The following TMEM163 variants were observed in gnomAD, a reference collection of about 807,000 sequenced individuals.
The protein encoded by TMEM163 is transmembrane protein 163.
Under a neutral mutation model 29.3 loss-of-function variants are expected in TMEM163, and 17 were observed. The ratio of observed to expected loss-of-function variants is 0.58; its 90% confidence interval spans 0.40 to 0.87. TMEM163 has a LOEUF of 0.87. TMEM163 is among the 40% of genes least tolerant of loss of function. TMEM163 has a pLI of 0.00. For missense variants in TMEM163, 303 were observed against 381.5 expected (o/e 0.79, Z 1.71); for synonymous variants, 157 against 160.6 (o/e 0.98, Z 0.17).
chr2:134,602,823 G>A (rs562237750), intron 2 of TMEM163, among the ~76,000 whole-genome samples: 8 of 151,920 alleles, frequency 5.3e-5, no homozygotes, highest in Admixed American at 2.0e-4. Flanking sequence ...GTGTCCCACC[G>A]CCGAGGACTC....
At chr2:134,563,983 G>C (rs995059122) in intron 2 of TMEM163, among the ~76,000 whole-genome samples, 3 of 152,070 alleles carry the variant, frequency 2.0e-5, no homozygotes, top group Non-Finnish European at 4.4e-5. Context: ...ACCCGGAGGC[G>C]GAGGTTGCAG....
At chr2:134,654,095 G>A (rs1417917985) in intron 2 of TMEM163, among the ~76,000 whole-genome samples, 2 of 83,196 alleles carry the variant, frequency 2.4e-5, no homozygotes, top group East Asian at 2.2e-4. Flanking sequence ...CAATTCCTGG[G>A]TATCCTTGTT....
intron 5 of TMEM163, among the ~76,000 whole-genome samples, chr2:134,489,026 G>A (rs527915443): frequency 6.6e-5 from 10 of 152,196 alleles, no homozygotes; most frequent in South Asian, 4.2e-4. Flanking sequence ...AGGGCACTTG[G>A]GAAGATCTAT....
At chr2:134,636,283 G>C (rs1415044635) in intron 2 of TMEM163, among the ~76,000 whole-genome samples, 1 of 152,224 alleles carries the variant, frequency 6.6e-6, no homozygotes, top group East Asian at 1.9e-4. Context: ...TTAATGGAAG[G>C]CTGCTTCAGA....
intron 5 of TMEM163, among the ~76,000 whole-genome samples, chr2:134,492,079 A>G (rs935294949): frequency 4.6e-5 from 7 of 152,218 alleles, no homozygotes; most frequent in African/African-American, 1.7e-4. Flanking sequence ...TCCTCTTGCT[A>G]TCTGCCTCTG....
intron 2 of TMEM163, among the ~76,000 whole-genome samples, chr2:134,571,584 T>G (rs1466909634): frequency 1.3e-5 from 2 of 152,198 alleles, no homozygotes; most frequent in East Asian, 3.8e-4. Context: ...CAAGAGGGAC[T>G]CACAGGACTC....
At chr2:134,664,148 A>C (rs1277462994) in intron 2 of TMEM163, among the ~76,000 whole-genome samples, 1 of 152,248 alleles carries the variant, frequency 6.6e-6, no homozygotes, top group East Asian at 1.9e-4. Flanking sequence ...CAGGAAAAGC[A>C]AGCTCCCTCA....
chr2:134,549,807 C>T (rs1431527704), intron 4 of TMEM163, among the ~76,000 whole-genome samples: 1 of 152,118 alleles, frequency 6.6e-6, no homozygotes, highest in East Asian at 1.9e-4. Flanking sequence ...CATGCACACA[C>T]ATATACATAC....
In TMEM163 at chr2:134,649,085, A is replaced by G. The variant is rs535410195; in HGVS notation, c.322+64115T>C. Among the ~76,000 whole-genome samples the G allele has an allele frequency of 7.2e-4, 109 of 152,374 alleles. No individual in the cohort carries two copies. The South Asian group carries it at 9.5e-3, about 13-fold the overall frequency. ...CATATCAAAAAGTTTAACACATTTG[A>G]GTCCATCAAAGTAAATAAGTGTGTG... On this transcript the variant is annotated intron_variant, in intron 2 of 7. Coordinates refer to ENST00000281924, the MANE Select transcript of TMEM163 (RefSeq NM_030923.5).
intron 2 of TMEM163, among the ~76,000 whole-genome samples, chr2:134,695,372 C>T (rs371088933): frequency 5.3e-5 from 8 of 151,284 alleles, no homozygotes; most frequent in South Asian, 4.2e-4. Flanking sequence ...CCACCGTGCC[C>T]GGGCAAATTT....
intron 2 of TMEM163, among the ~76,000 whole-genome samples, chr2:134,602,807 GA>G (rs1248046525): frequency 6.6e-6 from 1 of 151,818 alleles, no homozygotes; most frequent in Non-Finnish European, 1.5e-5. Context: ...CTGTCCCTGA[GA>G]GGGAGTGTCC....
chr2:134,553,529 AG>A (rs1214978145), intron 2 of TMEM163, among the ~76,000 whole-genome samples: 1 of 152,242 alleles, frequency 6.6e-6, no homozygotes, highest in Non-Finnish European at 1.5e-5. Flanking sequence ...AGGAGCAGGA[AG>A]GCAAGCATGG....
chr2:134,491,771 G>A (rs1679434059), intron 5 of TMEM163, among the ~76,000 whole-genome samples: 1 of 152,096 alleles, frequency 6.6e-6, no homozygotes, highest in African/African-American at 2.4e-5. Context: ...TACACAAAGA[G>A]GCTTAATAGA....
In TMEM163 at chr2:134,561,551, G is replaced by A. The variant is rs570161720; in HGVS notation, c.323-9460C>T. On this transcript the variant is annotated intron_variant, in intron 2 of 7. Transcript: ENST00000281924. ...TTTTTAGTGGAGACAGGGTTTCACC[G>A]TGTTAGCCAGGATGGTCTCGATCTC... Among the ~76,000 whole-genome samples the A allele has an allele frequency of 1.7e-3, 266 of 152,192 alleles. 1 individual carries two copies. Among genetic ancestry groups the A allele is most frequent in the Middle Eastern group, 6.8e-3 (2 of 294 alleles).
In TMEM163 at chr2:134,456,459, A is replaced by AGAC. The variant is rs1686396527; in HGVS notation, c.*254_*256dup. 1 of 501,770 alleles carries AGAC rather than the reference A, an allele frequency of 2.0e-6. No homozygotes were observed. The highest frequency in any genetic ancestry group is 2.4e-5 in the African/African-American group (1 of 41,046). 31.1% of individuals were successfully genotyped at this position (501,770 alleles called of 1,614,324 possible). ...ACCCATGAGAACCATCATACTCCAG[A>AGAC]GACTAAAAAACGCCAGTCCCAGCTG... On this transcript the variant is annotated 3_prime_UTR_variant, in exon 8 of 8. Transcript: ENST00000281924.
At chr2:134,660,083 G>A (rs1683714982) in intron 2 of TMEM163, among the ~76,000 whole-genome samples, 1 of 152,230 alleles carries the variant, frequency 6.6e-6, no homozygotes, top group Non-Finnish European at 1.5e-5. Flanking sequence ...GGGGATCATG[G>A]AAGGCAGCTA....
intron 2 of TMEM163, among the ~76,000 whole-genome samples, chr2:134,642,402 T>C (rs1244001349): frequency 6.6e-6 from 1 of 152,136 alleles, no homozygotes; most frequent in African/African-American, 2.4e-5. Context: ...AGTCCTGGCA[T>C]TACAGGCACG....
At chr2:134,575,135 G>A (rs73958765) in intron 2 of TMEM163, among the ~76,000 whole-genome samples, 10,317 of 152,084 alleles carry the variant, frequency 0.068, 1,095 homozygotes, top group African/African-American at 0.22. Context: ...CCTTCTTGGC[G>A]CTGTAGGGTT....
intron 5 of TMEM163, among the ~76,000 whole-genome samples, chr2:134,500,807 AT>A (rs1350777573): frequency 1.3e-5 from 2 of 152,226 alleles, no homozygotes; most frequent in African/African-American, 4.8e-5. Context: ...AAAACAGAGG[AT>A]TCCAGAGACT....
Sources: allele counts gnomAD v4.1 joint callset (sites outside exome capture counted in the v4.1 genomes callset), GRCh38; gene constraint gnomAD v4.1.1; transcripts MANE v1.5; gene names NCBI Gene and HGNC (gene_info 2026-07-23, HGNC 2026-07-21).